The following BUB1B variants were observed in gnomAD, a reference collection of about 807,000 sequenced individuals.
BUB1B encodes the protein BUB1 mitotic checkpoint serine/threonine kinase B.
Under a neutral mutation model 137.7 loss-of-function variants are expected in BUB1B, and 86 were observed. The observed-to-expected ratio is 0.62, with a 90% CI of 0.52 to 0.75. The LOEUF (loss-of-function observed/expected upper bound fraction) is 0.75. Ranked by LOEUF, BUB1B falls within the 30% of genes least tolerant of loss-of-function variation. The probability of loss-of-function intolerance (pLI) is 0.00; values close to 1 mark genes in which losing one functional copy is unlikely to be tolerated. For synonymous variants in BUB1B, 420 were observed against 417.9 expected, an observed-to-expected ratio of 1.00 and a Z score of -0.06; for missense variants, 1,130 against 1,236.9, an observed-to-expected ratio of 0.91 and a Z score of 1.30.
intron 1 of BUB1B, among the ~76,000 whole-genome samples, chr15:40,164,282 G>C (rs2037069767): frequency 6.6e-6 from 1 of 150,936 alleles, no homozygotes; most frequent in African/African-American, 2.4e-5. Context: ...AGGCTGCAGT[G>C]CAGTGGTGTG....
intron 1 of BUB1B, 84 bp from the exon 2 acceptor site, chr15:40,164,969 C>T (rs1040216788): frequency 6.5e-7 from 1 of 1,548,838 alleles, no homozygotes; most frequent in East Asian, 2.3e-5. Flanking sequence ...CATGAATAAT[C>T]ACCTTTCGGA....
intron 22 of BUB1B, among the ~76,000 whole-genome samples, chr15:40,220,041 T>C (rs913495829): frequency 7.2e-5 from 11 of 152,154 alleles, no homozygotes; most frequent in East Asian, 5.8e-4. Context: ...GTGGGGTCAG[T>C]TGGGGTTTCC....
chr15:40,192,126 A>G (rs2037446072), intron 8 of BUB1B, among the ~76,000 whole-genome samples: 2 of 152,242 alleles, frequency 1.3e-5, no homozygotes, highest in African/African-American at 2.4e-5. Context: ...CCATGAACAT[A>G]GGATGTCTTT....
intron 21 of BUB1B, 79 bp downstream of exon 21, chr15:40,217,746 C>T (rs1333842154): frequency 4.0e-6 from 6 of 1,518,506 alleles, no homozygotes; most frequent in Non-Finnish European, 5.5e-6. Context: ...ATAAAAGCTA[C>T]TGTTTACTGA....
chr15:40,207,414 G>A (rs1161475981), intron 15 of BUB1B, among the ~76,000 whole-genome samples: 2 of 152,024 alleles, frequency 1.3e-5, no homozygotes, highest in Non-Finnish European at 2.9e-5. Flanking sequence ...GACCAGCCTG[G>A]TCAACATGGC....
chr15:40,218,153 C>T (rs960354869), intron 21 of BUB1B, among the ~76,000 whole-genome samples: 1 of 152,220 alleles, frequency 6.6e-6, no homozygotes, highest in Non-Finnish European at 1.5e-5. Flanking sequence ...CTGAACTAAT[C>T]ATGTGGACCC....
intron 5 of BUB1B, among the ~76,000 whole-genome samples, chr15:40,181,046 G>T (rs1215661279): frequency 6.7e-6 from 1 of 149,918 alleles, no homozygotes; most frequent in Admixed American, 6.6e-5. Flanking sequence ...ATTTTTTCTT[G>T]TTTAGTTTTG....
At chr15:40,170,038 T>C (rs1183752707) in intron 2 of BUB1B, 24 bp from the exon 3 acceptor site, 1 of 1,597,426 alleles carries the variant, frequency 6.3e-7, no homozygotes, top group African/African-American at 1.3e-5. Context: ...TTGCATATGC[T>C]AACTTTTTCT....
chr15:40,162,114 A>G (rs980289209), intron 1 of BUB1B, among the ~76,000 whole-genome samples: 1 of 152,154 alleles, frequency 6.6e-6, no homozygotes, highest in Non-Finnish European at 1.5e-5. Flanking sequence ...GATTGGTGCA[A>G]TTTAACTTGA....
intron 15 of BUB1B, among the ~76,000 whole-genome samples, chr15:40,206,696 T>C (rs771400537): frequency 7.9e-5 from 12 of 152,102 alleles, no homozygotes; most frequent in Non-Finnish European, 1.6e-4. Flanking sequence ...CCGAGAGGAG[T>C]ATAGTACCAT....
rs113467043 is a variant in BUB1B, at chr15:40,217,775, A to G, written c.2850+108A>G. Reference sequence around the variant, plus strand: ...TTACTGATACCGACTCCTAGAATAGATGACCTAGTTTTCAAATATCACCAA... The same window carrying G: ...TTACTGATACCGACTCCTAGAATAGGTGACCTAGTTTTCAAATATCACCAA... On this transcript the variant is annotated intron_variant, in intron 21 of 22. Coordinates refer to ENST00000287598, the MANE Select transcript of BUB1B (RefSeq NM_001211.6). 8.8e-4 allele frequency: 1,173 copies of G among 1,325,616 alleles called. 8 individuals carry two copies. In the African/African-American group the frequency reaches 0.015, roughly 17 times the overall value. The allele number at this position is 1,325,616 out of a possible 1,614,324, so 82.1% of individuals were successfully genotyped here.
At chr15:40,217,182 T>A (rs955737526) in intron 20 of BUB1B, among the ~76,000 whole-genome samples, 1 of 152,242 alleles carries the variant, frequency 6.6e-6, no homozygotes, top group Non-Finnish European at 1.5e-5. Flanking sequence ...TGTTAATGTG[T>A]ACAGTACAGG....
In BUB1B at chr15:40,218,510, CT is replaced by C; in HGVS notation, c.2906del (p.Leu969HisfsTer19). On this transcript the variant is annotated frameshift_variant, in exon 22 of 23. Transcript: ENST00000287598. LOFTEE classifies it high-confidence loss of function. ...ACATTTACTATTGTTCAAGGAACAC[CT>C]ACAGGTCTTCTGGGATGGGTCCTTC... ...LAHLLLFKEH[L>X]QVFWDGSFWK... The C allele has an allele frequency of 1.9e-6, 3 of 1,614,142 alleles. No individual in the cohort carries two copies. The highest frequency in any genetic ancestry group is 2.5e-6 in the Non-Finnish European group (3 of 1,180,002).
At chr15:40,202,759 A>T (rs12898804) in intron 14 of BUB1B, 65 bp downstream of exon 14, 13 of 1,368,644 alleles carry the variant, frequency 9.5e-6, no homozygotes, top group Admixed American at 6.7e-5. Flanking sequence ...AAACCACAAA[A>T]GCTTAAGGTT....
chr15:40,204,272 C>T (rs12148295), intron 14 of BUB1B, among the ~76,000 whole-genome samples: 1,732 of 152,176 alleles, frequency 0.011, 24 homozygotes, highest in Non-Finnish European at 0.015. Flanking sequence ...TACAGTTAGT[C>T]TACTGACTGC....
At chr15:40,176,715 G>A in intron 5 of BUB1B, 42 bp downstream of exon 5, 1 of 1,588,266 alleles carries the variant, frequency 6.3e-7, no homozygotes, top group Non-Finnish European at 8.6e-7. Flanking sequence ...AAAAATAATA[G>A]AAATAAATTA....
chr15:40,211,896 C>T (rs1484894749), intron 18 of BUB1B, among the ~76,000 whole-genome samples: 1 of 151,948 alleles, frequency 6.6e-6, no homozygotes, highest in East Asian at 1.9e-4. Flanking sequence ...GATTTTGGCT[C>T]ACTGCAACCT....
intron 6 of BUB1B, 148 bp from the exon 7 acceptor site, chr15:40,185,017 T>G: frequency 1.5e-6 from 1 of 667,250 alleles, no homozygotes. Context: ...TTATTAATTT[T>G]TTTAAAGATT....
chr15:40,162,083 G>A (rs2037048900), intron 1 of BUB1B, among the ~76,000 whole-genome samples: 1 of 152,174 alleles, frequency 6.6e-6, no homozygotes, highest in Non-Finnish European at 1.5e-5. Flanking sequence ...GCAACTGGGT[G>A]TAGTGAATAT....
Sources: allele counts gnomAD v4.1 joint callset (sites outside exome capture counted in the v4.1 genomes callset), GRCh38; gene constraint gnomAD v4.1.1; transcripts MANE v1.5; gene names NCBI Gene and HGNC (gene_info 2026-07-23, HGNC 2026-07-21).